Variants in SHTN1 observed in about 807,000 individuals in gnomAD.
SHTN1 encodes the protein shootin 1, also known as shootin-1.
In SHTN1, 42 loss-of-function variants were observed where a neutral mutation model predicts 83.1. The observed-to-expected ratio is 0.51, with a 90% CI of 0.39 to 0.65. SHTN1 has a LOEUF of 0.65. Among genes scored for constraint, SHTN1 ranks in the 30% least tolerant of loss-of-function variants. SHTN1 has a pLI of 0.00. For missense variants in SHTN1, 622 were observed against 737.8 expected, an observed-to-expected ratio of 0.84 and a Z score of 1.82; for synonymous variants, 224 against 247.7, an observed-to-expected ratio of 0.90 and a Z score of 0.90.
intron 1 of SHTN1, among the ~76,000 whole-genome samples, chr10:117,104,962 C>T (rs1003224549): frequency 6.6e-6 from 1 of 151,724 alleles, no homozygotes; most frequent in African/African-American, 2.4e-5. Flanking sequence ...TTCTTCTCTT[C>T]TAGCCCCACA....
intron 2 of SHTN1, among the ~76,000 whole-genome samples, chr10:117,033,015 A>AAAACCT (rs1852442642): frequency 6.6e-6 from 1 of 152,208 alleles, no homozygotes; most frequent in Non-Finnish European, 1.5e-5. Context: ...AGAACATACA[A>AAAACCT]AAACCTATGG....
intron 1 of SHTN1, among the ~76,000 whole-genome samples, chr10:117,125,159 A>C (rs946795591): frequency 6.6e-6 from 1 of 152,144 alleles, no homozygotes; most frequent in Non-Finnish European, 1.5e-5. Context: ...ATACTTTTCC[A>C]CGGAGGCCTC....
chr10:116,983,033 G>T (rs766020424), intron 1 of SHTN1, among the ~76,000 whole-genome samples: 12 of 151,634 alleles, frequency 7.9e-5, no homozygotes, highest in African/African-American at 2.9e-4. Flanking sequence ...TTGAGAGCTC[G>T]AGAAGACTTC....
At chr10:116,956,038 A>G (rs1038792361) in intron 4 of SHTN1, among the ~76,000 whole-genome samples, 1 of 152,224 alleles carries the variant, frequency 6.6e-6, no homozygotes, top group African/African-American at 2.4e-5. Context: ...TTCTCAAACT[A>G]TCCCATCTTT....
chr10:116,881,561 A>G lies in SHTN1; in HGVS notation c.*4783T>C, dbSNP rs1847014461. The G allele has an allele frequency of 1.9e-6, 3 of 1,548,738 alleles. No homozygotes were observed. Among genetic ancestry groups the G allele is most frequent in the Middle Eastern group, 1.7e-4 (1 of 5,950 alleles). ...TTTTTTACTTTAATGAGGAAGCTGA[A>G]AAGGCTGCGGAGGCACTTGAGGCTG... On this transcript the variant is annotated 3_prime_UTR_variant, in exon 17 of 17. Transcript: ENST00000355371.
chr10:116,942,195 T>G (rs887427825), intron 8 of SHTN1, among the ~76,000 whole-genome samples: 1 of 149,206 alleles, frequency 6.7e-6, no homozygotes, highest in Non-Finnish European at 1.5e-5. Context: ...TTGTTTTGGG[T>G]GACCATTATG....
chr10:117,102,593 G>T (rs1260076292), intron 1 of SHTN1, among the ~76,000 whole-genome samples: 2 of 151,884 alleles, frequency 1.3e-5, no homozygotes, highest in Admixed American at 6.6e-5. Context: ...CCAACAAGTG[G>T]ATCTGGTTAC....
intron 9 of SHTN1, among the ~76,000 whole-genome samples, chr10:116,931,592 T>C (rs988708547): frequency 1.3e-5 from 2 of 152,178 alleles, no homozygotes; most frequent in African/African-American, 4.8e-5. Flanking sequence ...ATAACCTAAA[T>C]GTCCACCAAT....
At chr10:117,006,230 GTTTTTTTTTGT>G (rs1439091332), upstream of SHTN1, among the ~76,000 whole-genome samples, 896 of 24,118 alleles carry the variant, frequency 0.037, 6 homozygotes, top group East Asian at 0.078. Flanking sequence ...TTATAATGCA[GTTTTTTTTTGT>G]TTTTTTTTTG....
At chr10:117,049,372 A>G (rs1852710446) in intron 1 of SHTN1, among the ~76,000 whole-genome samples, 2 of 152,028 alleles carry the variant, frequency 1.3e-5, no homozygotes, top group African/African-American at 4.8e-5. Flanking sequence ...ACAAACAACA[A>G]CAACAACAAA....
intron 1 of SHTN1, among the ~76,000 whole-genome samples, chr10:117,123,230 G>C (rs936401127): frequency 1.3e-5 from 2 of 152,140 alleles, no homozygotes; most frequent in Non-Finnish European, 2.9e-5. Flanking sequence ...TCAAACTCCT[G>C]ACCTCAGGTG....
chr10:116,888,722 G>T (rs1847240496), intron 16 of SHTN1, among the ~76,000 whole-genome samples: 1 of 152,166 alleles, frequency 6.6e-6, no homozygotes, highest in South Asian at 2.1e-4. Context: ...CCAGTTAGGT[G>T]AGTCAGCACA....
intron 5 of SHTN1, among the ~76,000 whole-genome samples, chr10:116,953,834 G>A (rs1195183652): frequency 1.3e-5 from 2 of 151,880 alleles, no homozygotes; most frequent in East Asian, 3.9e-4. Flanking sequence ...TCACCAGGTT[G>A]GCCAAGTTGG....
intron 1 of SHTN1, among the ~76,000 whole-genome samples, chr10:116,996,882 T>G (rs1851645773): frequency 6.6e-6 from 1 of 152,200 alleles, no homozygotes; most frequent in South Asian, 2.1e-4. Flanking sequence ...TCTACAACCA[T>G]ACCTCTCCAA....
intron 2 of SHTN1, among the ~76,000 whole-genome samples, chr10:117,041,206 C>A (rs1413657448): frequency 1.3e-5 from 2 of 150,680 alleles, no homozygotes; most frequent in African/African-American, 2.4e-5. Flanking sequence ...TAAGTGATTT[C>A]TTTTTATGAC....
Position 117,079,361 on chromosome 10 carries a change from T to A in SHTN1, c.-188-30851A>T, listed in dbSNP as rs552789828. ...TTCATCCATGTCCCTACAAAGGACA[T>A]GAACTCATCATTTTTTATGGCTGCA... On this transcript the variant is annotated intron_variant, in intron 1 of 17. Transcript: ENST00000392901. 2.9e-5 allele frequency among the ~76,000 whole-genome samples: 4 copies of A among 135,800 alleles called. No individual in the cohort carries two copies. The East Asian group carries it at 8.6e-4, about 29-fold the overall frequency. The allele number at this position is 135,800 out of a possible 152,430, so 89.1% of individuals were successfully genotyped here.
chr10:117,053,077 ACAAATATTAACTCAAAATGGAT>A (rs1321748268), intron 1 of SHTN1, among the ~76,000 whole-genome samples: 6 of 150,066 alleles, frequency 4.0e-5, no homozygotes, highest in Non-Finnish European at 3.0e-5. Context: ...CATAGCATTT[ACAAATATTAACTCAAAATGGAT>A]CAAATACCTA....
chr10:117,057,752 A>G (rs370097954), intron 1 of SHTN1, among the ~76,000 whole-genome samples: 22 of 152,324 alleles, frequency 1.4e-4, no homozygotes, highest in African/African-American at 5.1e-4. Flanking sequence ...AAACAAAAGC[A>G]GAATTAAACA....
chr10:116,951,460 A>C (rs904320924), intron 6 of SHTN1, among the ~76,000 whole-genome samples: 3 of 152,140 alleles, frequency 2.0e-5, no homozygotes, highest in Non-Finnish European at 2.9e-5. Flanking sequence ...AAGATTCTGT[A>C]AACAACCACT....
Sources: gnomAD v4.1 joint callset for allele counts (sites outside exome capture counted in the v4.1 genomes callset) on GRCh38, gnomAD v4.1.1 for gene constraint, MANE v1.5 for transcripts, NCBI Gene and HGNC (gene_info 2026-07-23, HGNC 2026-07-21) for gene names.